Variants in ITPR2 observed in about 807,000 individuals in gnomAD.
The protein encoded by ITPR2 is inositol 1,4,5-trisphosphate receptor type 2.
In ITPR2, 207 loss-of-function variants were observed where a neutral mutation model predicts 317.1. That is an observed-to-expected ratio of 0.65 (90% CI 0.58 to 0.73). ITPR2 has a LOEUF of 0.73. Among genes scored for constraint, ITPR2 ranks in the 30% least tolerant of loss-of-function variants. The pLI, the probability that ITPR2 is intolerant of heterozygous loss-of-function variation, is 0.00. For synonymous variants in ITPR2, 1,156 were observed against 1,149.1 expected (o/e 1.01, Z -0.12); for missense variants, 2,613 against 3,284.0 (o/e 0.80, Z 4.99).
intron 37 of ITPR2, among the ~76,000 whole-genome samples, chr12:26,525,022 G>A (rs1221870442): frequency 6.6e-6 from 1 of 152,194 alleles, no homozygotes; most frequent in Non-Finnish European, 1.5e-5. Context: ...GAAACACTGA[G>A]TGGAATAAGT....
rs1336339077 is a variant in ITPR2 at position 26,495,039 on chromosome 12, AT to A, written c.5182+112del. ...AATTGTATGAAAGTTTTTAACAGTGATTTTTAAATGACTCTTTTATATATCT... is the reference window on the plus strand; with the variant it reads ...AATTGTATGAAAGTTTTTAACAGTGATTTTAAATGACTCTTTTATATATCT... On this transcript the variant is annotated intron_variant, in intron 38 of 56. Transcript: ENST00000381340. The A allele has an allele frequency of 5.8e-6, 4 of 686,604 alleles. No homozygotes were observed. The Admixed American group carries it at 8.5e-5, about 15-fold the overall frequency. 42.5% of individuals were successfully genotyped at this position (686,604 alleles called of 1,614,324 possible).
intron 45 of ITPR2, among the ~76,000 whole-genome samples, chr12:26,453,159 T>TTATG (rs1941782050): frequency 4.5e-4 from 1 of 2,246 alleles, no homozygotes; most frequent in Non-Finnish European, 1.4e-3. Flanking sequence ...CAGAAGATAC[T>TTATG]TAAGATTTTA....
rs1389232923 is a variant in ITPR2, at chr12:26,702,428, T to C, written c.952-6778A>G. Among the ~76,000 whole-genome samples, 4 of 128,266 alleles carry C rather than the reference T, an allele frequency of 3.1e-5. No individual in the cohort carries two copies. In the East Asian group the frequency reaches 9.9e-4, roughly 32 times the overall value. The allele number at this position is 128,266 out of a possible 152,430, so 84.1% of individuals were successfully genotyped here. A position where few individuals can be genotyped will look rare whatever the true frequency, so the allele number is the denominator to read the frequency against. On this transcript the variant is annotated intron_variant, in intron 9 of 56. Transcript: ENST00000381340. ...GGGGGTGGGGGGTTGGTGTTTTTTT[T>C]TTCTTTTTTTTTTTTCTCCTTTTAT...
At chr12:26,658,315 T>G (rs1947420266) in intron 16 of ITPR2, among the ~76,000 whole-genome samples, 185 bp from the exon 17 acceptor site, 2 of 152,218 alleles carry the variant, frequency 1.3e-5, no homozygotes, top group Non-Finnish European at 2.9e-5. Context: ...AACATACAAT[T>G]CTTTTTATTT....
At chr12:26,556,705 T>C (rs1944673304) in intron 35 of ITPR2, among the ~76,000 whole-genome samples, 2 of 150,502 alleles carry the variant, frequency 1.3e-5, no homozygotes, top group East Asian at 3.9e-4. Context: ...GTGCCTAGGA[T>C]TATAATGGAG....
chr12:26,737,537 G>A (rs1949148116), intron 2 of ITPR2, among the ~76,000 whole-genome samples: 2 of 152,154 alleles, frequency 1.3e-5, no homozygotes, highest in African/African-American at 2.4e-5. Flanking sequence ...ACAGGCATAA[G>A]CCACCGCACC....
intron 37 of ITPR2, among the ~76,000 whole-genome samples, chr12:26,530,095 A>T (rs1943908677): frequency 6.6e-6 from 1 of 152,232 alleles, no homozygotes; most frequent in African/African-American, 2.4e-5. Context: ...AGGAGATCAG[A>T]GAATCAGGAT....
At chr12:26,480,709 G>A (rs879613843) in intron 43 of ITPR2, among the ~76,000 whole-genome samples, 13 of 151,944 alleles carry the variant, frequency 8.6e-5, no homozygotes, top group Non-Finnish European at 1.3e-4. Flanking sequence ...GCATGGTGGC[G>A]GGCGCCTGTA....
At chr12:26,800,749 GACA>G (rs1451634503) in intron 1 of ITPR2, 2 of 152,208 alleles carry the variant, frequency 1.3e-5, no homozygotes, top group Non-Finnish European at 2.9e-5. Flanking sequence ...TGAAGCAGAG[GACA>G]ACAAGGATAG....
chr12:26,631,825 A>C, intron 22 of ITPR2, 41 bp downstream of exon 22: 1 of 1,578,222 alleles, frequency 6.3e-7, no homozygotes, highest in Non-Finnish European at 8.7e-7. Flanking sequence ...TCAATAAGCA[A>C]AATTACATCT....
At chr12:26,594,508 T>A (rs1945791633) in intron 32 of ITPR2, among the ~76,000 whole-genome samples, 1 of 152,050 alleles carries the variant, frequency 6.6e-6, no homozygotes, top group Non-Finnish European at 1.5e-5. Context: ...TGGACTTCAC[T>A]AATCTTTCTC....
At chr12:26,382,887 T>C (rs1465474073) in intron 55 of ITPR2, among the ~76,000 whole-genome samples, 2 of 152,206 alleles carry the variant, frequency 1.3e-5, no homozygotes, top group Non-Finnish European at 2.9e-5. Flanking sequence ...ATGTCATCAA[T>C]AGATACAATA....
intron 55 of ITPR2, among the ~76,000 whole-genome samples, chr12:26,348,824 C>T (rs935394997): frequency 4.6e-5 from 7 of 152,140 alleles, no homozygotes; most frequent in African/African-American, 1.2e-4. Context: ...CTCATCTCTA[C>T]TAAAAATTAA....
intron 14 of ITPR2, among the ~76,000 whole-genome samples, chr12:26,665,389 T>A (rs923166367): frequency 1.1e-4 from 16 of 152,230 alleles, no homozygotes; most frequent in African/African-American, 3.9e-4. Context: ...TGGTCTCTGA[T>A]ATTCCTGCCT....
intron 50 of ITPR2, among the ~76,000 whole-genome samples, 160 bp from the exon 51 acceptor site, chr12:26,415,658 C>T (rs1940699462): frequency 1.3e-5 from 2 of 152,268 alleles, no homozygotes; most frequent in African/African-American, 4.8e-5. Flanking sequence ...TATTTCTTCT[C>T]CAGCTGGAAT....
In ITPR2 at chr12:26,743,234, T is replaced by C. The variant is rs574552157; in HGVS notation, c.164-17469A>G. Among the ~76,000 whole-genome samples, 91 of 152,286 alleles carry C rather than the reference T, an allele frequency of 6.0e-4. 2 individuals carry two copies. In the South Asian group the frequency reaches 0.016, roughly 27 times the overall value. ...TTTGAAAACAGACAAAAACAATCTA[T>C]GGTGTGAGGGTAAAAACAGTGGTTA... is the stretch of plus-strand genomic sequence containing the variant. On this transcript the variant is annotated intron_variant, in intron 2 of 56. Coordinates refer to ENST00000381340, the MANE Select transcript of ITPR2 (RefSeq NM_002223.4).
At chr12:26,580,423 C>T (rs1467811626) in intron 32 of ITPR2, among the ~76,000 whole-genome samples, 1 of 152,152 alleles carries the variant, frequency 6.6e-6, no homozygotes, top group Non-Finnish European at 1.5e-5. Flanking sequence ...ATTTGCTTCT[C>T]CCTTCTCTTG....
In ITPR2 at chr12:26,632,100, T is replaced by C. The variant is rs764011413; in HGVS notation, c.2741-41A>G. Reference sequence around the variant, plus strand: ...GCCGTAAGTCAACACACACAACCCCTGGAGATCATGTAACTATAAAACTCA... The same window carrying C: ...GCCGTAAGTCAACACACACAACCCCCGGAGATCATGTAACTATAAAACTCA... On this transcript the variant is annotated intron_variant, in intron 21 of 56. Coordinates refer to ENST00000381340, the MANE Select transcript of ITPR2 (RefSeq NM_002223.4). 5.5e-6 allele frequency: 8 copies of C among 1,453,726 alleles called. No homozygotes were observed. The South Asian group carries it at 1.2e-4, about 21-fold the overall frequency. The allele number at this position is 1,453,726 out of a possible 1,614,324, so 90.1% of individuals were successfully genotyped here.
intron 39 of ITPR2, among the ~76,000 whole-genome samples, chr12:26,487,625 G>A (rs550142584): frequency 1.3e-5 from 2 of 152,220 alleles, no homozygotes; most frequent in South Asian, 2.1e-4. Flanking sequence ...CCTACTATGC[G>A]TCAAGCCCTC....
Sources: allele counts gnomAD v4.1 joint callset (sites outside exome capture counted in the v4.1 genomes callset), GRCh38; gene constraint gnomAD v4.1.1; transcripts MANE v1.5; gene names NCBI Gene and HGNC (gene_info 2026-07-23, HGNC 2026-07-21).